Variants in ARL3 observed in about 807,000 individuals in gnomAD.
The protein encoded by ARL3 is ARF like GTPase 3, also known as ADP-ribosylation factor-like protein 3.
ARL3 carries 9 observed loss-of-function variants against 26.0 expected under a neutral mutation model. The observed-to-expected ratio is 0.35, with a 90% CI of 0.21 to 0.60. ARL3 has a LOEUF of 0.60. Ranked by LOEUF, ARL3 falls within the 20% of genes least tolerant of loss-of-function variation. The probability of loss-of-function intolerance (pLI) is 0.78; values close to 1 mark genes in which losing one functional copy is unlikely to be tolerated. For synonymous variants in ARL3, 71 were observed against 78.4 expected (o/e 0.91, Z 0.50); for missense variants, 158 against 215.7 (o/e 0.73, Z 1.67).
chr10:102,711,988 C>T (rs1590130462), intron 1 of ARL3, among the ~76,000 whole-genome samples: 1 of 151,970 alleles, frequency 6.6e-6, no homozygotes, highest in South Asian at 2.1e-4. Flanking sequence ...TGCTTGAGAA[C>T]GACCACAAGC....
At chr10:102,693,198 G>A (rs1394659602) in intron 3 of ARL3, among the ~76,000 whole-genome samples, 1 of 152,148 alleles carries the variant, frequency 6.6e-6, no homozygotes, top group Non-Finnish European at 1.5e-5. Context: ...CCAACTAACT[G>A]GGTATATATC....
At chr10:102,694,187 C>T (rs2064235383) in intron 3 of ARL3, among the ~76,000 whole-genome samples, 1 of 151,232 alleles carries the variant, frequency 6.6e-6, no homozygotes, top group Admixed American at 6.6e-5. Context: ...GATGGGGTTT[C>T]ACCGTGTTAG....
At chr10:102,688,237 T>C (rs926150874) in intron 4 of ARL3, among the ~76,000 whole-genome samples, 1 of 152,204 alleles carries the variant, frequency 6.6e-6, no homozygotes, top group Non-Finnish European at 1.5e-5. Flanking sequence ...TTAAAACACA[T>C]GGGCTTTCAA....
rs2064325797 is a variant in ARL3, at chr10:102,709,237, T to C, written c.4-3748A>G. Among the ~76,000 whole-genome samples the C allele has an allele frequency of 2.0e-5, 3 of 151,960 alleles. 1 individual carries two copies. Among genetic ancestry groups the C allele is most frequent in the Middle Eastern group, 6.8e-3 (2 of 294 alleles). On this transcript the variant is annotated intron_variant, in intron 1 of 5. Transcript: ENST00000260746. ...ATATTTTCAAAGTTTAAAATTAATG[T>C]TTTGGGTTTTTCCTCATGTGTCTCT... is the stretch of plus-strand genomic sequence containing the variant.
At chr10:102,677,373 A>G (rs1041759456) in intron 5 of ARL3, among the ~76,000 whole-genome samples, 4 of 152,184 alleles carry the variant, frequency 2.6e-5, no homozygotes, top group Admixed American at 1.3e-4. Flanking sequence ...GACAGTGTAC[A>G]CTTGGGTTAA....
At chr10:102,704,881 T>C (rs909789818) in intron 2 of ARL3, among the ~76,000 whole-genome samples, 1 of 152,064 alleles carries the variant, frequency 6.6e-6, no homozygotes, top group Non-Finnish European at 1.5e-5. Flanking sequence ...TGAAGCCCAG[T>C]GGGATGCAGA....
chr10:102,708,624 AGGTG>A (rs1027974198), intron 1 of ARL3, among the ~76,000 whole-genome samples: 4 of 151,902 alleles, frequency 2.6e-5, no homozygotes, highest in Admixed American at 6.6e-5. Flanking sequence ...TGGGAGGCCG[AGGTG>A]GGTGGATCAC....
intron 1 of ARL3, among the ~76,000 whole-genome samples, chr10:102,713,592 C>T (rs1320896353): frequency 1.3e-5 from 2 of 152,194 alleles, no homozygotes; most frequent in Non-Finnish European, 2.9e-5. Context: ...AAAAATCGGT[C>T]ATCACCAACA....
intron 3 of ARL3, among the ~76,000 whole-genome samples, chr10:102,694,244 CT>C (rs1216191378): frequency 6.6e-6 from 1 of 152,210 alleles, no homozygotes; most frequent in African/African-American, 2.4e-5. Flanking sequence ...CCGCCTTGGC[CT>C]CCCAAAGTGC....
rs770834940 is a variant in ARL3 at position 102,680,171 on chromosome 10, C to A, written c.502-3230G>T. Among the ~76,000 whole-genome samples, 3 of 152,188 alleles carry A rather than the reference C, an allele frequency of 2.0e-5. No homozygotes were observed. The South Asian group carries it at 6.2e-4, about 31-fold the overall frequency. On this transcript the variant is annotated intron_variant, in intron 5 of 5. Coordinates refer to ENST00000260746, the MANE Select transcript of ARL3 (RefSeq NM_004311.4). ...ATGTTAGCCAGGATGGTCTCGATCT[C>A]CTGATCTTGTGATCCACCCACCTCA...
intron 5 of ARL3, among the ~76,000 whole-genome samples, chr10:102,683,672 T>C (rs1482773305): frequency 1.3e-5 from 2 of 152,150 alleles, no homozygotes; most frequent in Admixed American, 6.5e-5. Context: ...CTCCCCTGCC[T>C]GTCCCCAACC....
intron 3 of ARL3, among the ~76,000 whole-genome samples, chr10:102,695,379 T>C (rs776332790): frequency 1.3e-5 from 2 of 152,224 alleles, no homozygotes; most frequent in Non-Finnish European, 2.9e-5. Context: ...TTGGGGGTGC[T>C]AAATGGTATT....
At chr10:102,692,438 C>T (rs370751009) in intron 3 of ARL3, among the ~76,000 whole-genome samples, 52 of 152,316 alleles carry the variant, frequency 3.4e-4, no homozygotes, top group African/African-American at 1.2e-3. Flanking sequence ...TTTGTTGAGA[C>T]GGAGTCTCGC....
chr10:102,707,357 G>A (rs1055879337), intron 1 of ARL3, among the ~76,000 whole-genome samples: 5 of 152,240 alleles, frequency 3.3e-5, no homozygotes, highest in East Asian at 1.9e-4. Context: ...AAACCATGTT[G>A]ATTTTTAGTT....
chr10:102,680,306 A>G (rs1453097191), intron 5 of ARL3, among the ~76,000 whole-genome samples: 1 of 152,202 alleles, frequency 6.6e-6, no homozygotes, highest in African/African-American at 2.4e-5. Context: ...CATTATGGGG[A>G]TGACGATCTT....
chr10:102,685,198 G>A (rs1468469231), intron 5 of ARL3, among the ~76,000 whole-genome samples: 3 of 138,302 alleles, frequency 2.2e-5, no homozygotes, highest in Admixed American at 8.0e-5. Context: ...GCAGTGAGCC[G>A]AGATTGTGCC....
intron 1 of ARL3, among the ~76,000 whole-genome samples, chr10:102,712,997 GT>G (rs200811271): frequency 2.8e-5 from 4 of 143,468 alleles, no homozygotes; most frequent in Admixed American, 1.4e-4. Flanking sequence ...AATCAATTGA[GT>G]TTTTTTTTTC....
rs549382825 is a variant in ARL3 at position 102,686,466 on chromosome 10, CTTTT to C, written c.316-469_316-466del. On this transcript the variant is annotated intron_variant, in intron 4 of 5. Transcript: ENST00000260746. ...GATTCTCAAACTTTTTTTTTTCTTT[CTTTT>C]TTTTTTTTTTTGAGACAGGGTCTCG... 1.6e-3 allele frequency among the ~76,000 whole-genome samples: 194 copies of C among 124,032 alleles called. 1 individual carries two copies. The highest frequency in any genetic ancestry group is 5.2e-3 in the Middle Eastern group (1 of 194). 81.4% of individuals were successfully genotyped at this position (124,032 alleles called of 152,430 possible).
intron 4 of ARL3, among the ~76,000 whole-genome samples, chr10:102,688,475 C>A (rs994664811): frequency 6.7e-6 from 1 of 150,270 alleles, no homozygotes; most frequent in African/African-American, 2.5e-5. Flanking sequence ...GCCAAGGACT[C>A]TGCAATGATA....
Sources: gnomAD v4.1 joint callset for allele counts (sites outside exome capture counted in the v4.1 genomes callset) on GRCh38, gnomAD v4.1.1 for gene constraint, MANE v1.5 for transcripts, NCBI Gene and HGNC (gene_info 2026-07-23, HGNC 2026-07-21) for gene names.